Variants in ROCK2 observed in about 807,000 individuals in gnomAD.
ROCK2 encodes Rho associated coiled-coil containing protein kinase 2, also known as rho-associated protein kinase 2.
ROCK2 carries 61 observed loss-of-function variants against 195.1 expected under a neutral mutation model. That is an observed-to-expected ratio of 0.31 (90% confidence interval 0.25 to 0.39). The LOEUF (loss-of-function observed/expected upper bound fraction) is 0.39. ROCK2 is among the 10% of genes least tolerant of loss of function. The pLI is 1.00. For missense variants in ROCK2, 1,109 were observed against 1,637.4 expected (o/e 0.68, Z 5.57); for synonymous variants, 504 against 545.5 (o/e 0.92, Z 1.06).
chr2:11,208,240 A>AAC (rs4027164), intron 19 of ROCK2, 47 bp downstream of exon 19: 116 of 1,147,748 alleles, frequency 1.0e-4, no homozygotes, highest in South Asian at 2.3e-4. Context: ...GAATAAACCT[A>AAC]TTAATTCATT....
chr2:11,283,587 C>CAAGAAAGAAAGAAAGAAAGAAAGA (rs55637351), intron 3 of ROCK2, among the ~76,000 whole-genome samples: 2 of 126,484 alleles, frequency 1.6e-5, no homozygotes, highest in African/African-American at 2.8e-5. Flanking sequence ...AAAAAAAAAG[C>CAAGAAAGAAAGAAAGAAAGAAAGA]AAGAAAGAAA....
At position 11,192,763 on chromosome 2, in the gene ROCK2, A is replaced by G; in HGVS notation, c.3688-51T>C. On this transcript the variant is annotated intron_variant, in intron 30 of 32. Coordinates refer to ENST00000315872, the MANE Select transcript of ROCK2 (RefSeq NM_004850.5). The surrounding 1 kb of genome is among the most constrained non-coding windows in gnomAD (Gnocchi z 5.0). ...TGATTTCCAAACATGCTATTTTTTT[A>G]TGTAGGAACAATTCTGATAGTGTAA... The G allele has an allele frequency of 6.5e-7, 1 of 1,542,914 alleles. No individual in the cohort carries two copies. Among genetic ancestry groups the G allele is most frequent in the Non-Finnish European group, 8.7e-7 (1 of 1,143,734 alleles).
chr2:11,211,972 T>C, intron 17 of ROCK2, 132 bp from the exon 18 acceptor site: 1 of 603,686 alleles, frequency 1.7e-6, no homozygotes, highest in Non-Finnish European at 2.6e-6. Flanking sequence ...GTGGTTTGAT[T>C]ATGGCTCATT....
At chr2:11,258,451 T>A (rs966449500) in intron 3 of ROCK2, among the ~76,000 whole-genome samples, 3 of 151,500 alleles carry the variant, frequency 2.0e-5, no homozygotes, top group African/African-American at 7.4e-5. Context: ...AATTCTTTTT[T>A]AAAATGTTCC....
intron 1 of ROCK2, among the ~76,000 whole-genome samples, chr2:11,336,993 A>T (rs1162357769): frequency 1.3e-5 from 2 of 152,232 alleles, no homozygotes; most frequent in Non-Finnish European, 2.9e-5. Context: ...CTGTAATCCC[A>T]GCACTTTGGG....
At chr2:11,263,547 T>C (rs954294446) in intron 3 of ROCK2, among the ~76,000 whole-genome samples, 4 of 151,010 alleles carry the variant, frequency 2.6e-5, no homozygotes, top group African/African-American at 4.9e-5. Flanking sequence ...GAATCCCTGA[T>C]GTAAATGCCA....
chr2:11,187,180 C>T (rs1159766695), intron 32 of ROCK2, among the ~76,000 whole-genome samples: 1 of 152,164 alleles, frequency 6.6e-6, no homozygotes, highest in Non-Finnish European at 1.5e-5. Context: ...CAGTAGTCCC[C>T]CCATATCCTT....
At chr2:11,237,186 C>T (rs1056825868) in intron 4 of ROCK2, among the ~76,000 whole-genome samples, 2 of 152,050 alleles carry the variant, frequency 1.3e-5, no homozygotes, top group African/African-American at 2.4e-5. Context: ...AAAATCGATA[C>T]CCTCAAAAGG....
intron 11 of ROCK2, 55 bp from the exon 12 acceptor site, chr2:11,217,224 A>T: frequency 1.2e-6 from 1 of 855,900 alleles, no homozygotes; most frequent in East Asian, 2.4e-5. Context: ...TAAAGATGAG[A>T]GGCTTAAAGA....
At chr2:11,222,054 A>T in intron 8 of ROCK2, 29 bp downstream of exon 8, 1 of 1,311,088 alleles carries the variant, frequency 7.6e-7, no homozygotes. Flanking sequence ...AATGTGATGG[A>T]ATGAAAATAT....
intron 4 of ROCK2, among the ~76,000 whole-genome samples, chr2:11,248,911 GT>G (rs1364084419): frequency 1.3e-5 from 2 of 149,860 alleles, no homozygotes; most frequent in Non-Finnish European, 3.0e-5. Context: ...TTCTTTTTTT[GT>G]TTTAGACGGA....
rs1292233613 is a variant in ROCK2 at position 11,344,123 on chromosome 2, G to T, written c.14C>A (p.Pro5Gln). 1 of 1,475,334 alleles carries T rather than the reference G, an allele frequency of 6.8e-7. No individual in the cohort carries two copies. Among genetic ancestry groups the T allele is most frequent in the African/African-American group, 1.5e-5 (1 of 67,212 alleles). 91.4% of individuals were successfully genotyped at this position (1,475,334 alleles called of 1,614,324 possible). A position where few individuals can be genotyped will look rare whatever the true frequency, so the allele number is the denominator to read the frequency against. The change falls in exon 1 of 33, where the codon CCG becomes CAG. Residue 5 changes from proline (P) to glutamine (Q), a missense_variant. Coordinates refer to ENST00000315872, the MANE Select transcript of ROCK2 (RefSeq NM_004850.5). The surrounding 1 kb of genome is among the most constrained non-coding windows in gnomAD (Gnocchi z 5.4). MSRP[P>Q]PTGKMPGAPE... ...GGCGCCGGGCATTTTCCCCGTCGGC[G>T]GGGGCCGGCTCATGCCGCCACCGCT...
intron 3 of ROCK2, among the ~76,000 whole-genome samples, chr2:11,270,296 T>C (rs1001099116): frequency 8.5e-5 from 13 of 152,182 alleles, no homozygotes; most frequent in African/African-American, 2.7e-4. Flanking sequence ...CTTTTTCTTA[T>C]GCTTGGTTTT....
chr2:11,198,118 C>CA (rs1663707774), intron 25 of ROCK2, among the ~76,000 whole-genome samples: 2 of 152,234 alleles, frequency 1.3e-5, no homozygotes. Context: ...TCTAGTACCC[C>CA]ACCTGTTCAT....
intron 12 of ROCK2, among the ~76,000 whole-genome samples, chr2:11,216,884 C>T (rs1664450276): frequency 6.6e-6 from 1 of 152,028 alleles, no homozygotes; most frequent in Non-Finnish European, 1.5e-5. Context: ...CCACCATGCC[C>T]AGCTAATTTT....
rs560020171 is a variant in ROCK2 at position 11,292,572 on chromosome 2, G to T, written c.142-4836C>A. On this transcript the variant is annotated intron_variant, in intron 1 of 32. Transcript: ENST00000315872. ...AATTAGTAAAATTATTCCTCTAAAA[G>T]AATACTAAATAACAAACAAGTTTTA... Among the ~76,000 whole-genome samples the T allele has an allele frequency of 5.3e-5, 8 of 152,084 alleles. No homozygotes were observed. In the East Asian group the frequency reaches 1.4e-3, roughly 26 times the overall value.
At chr2:11,316,674 A>G (rs2148239563) in intron 1 of ROCK2, among the ~76,000 whole-genome samples, 1 of 152,322 alleles carries the variant, frequency 6.6e-6, no homozygotes, top group East Asian at 1.9e-4. Context: ...TTGCCATAAC[A>G]GATTACAAAA....
intron 1 of ROCK2, among the ~76,000 whole-genome samples, chr2:11,317,608 A>AT (rs1210144997): frequency 8.8e-4 from 14 of 15,940 alleles, no homozygotes; most frequent in African/African-American, 2.7e-3. Context: ...ATATATATAT[A>AT]TATATTTTTT....
chr2:11,310,688 C>T (rs1366753187), intron 1 of ROCK2, among the ~76,000 whole-genome samples: 2 of 151,876 alleles, frequency 1.3e-5, no homozygotes, highest in Non-Finnish European at 2.9e-5. Context: ...AAAATATAAG[C>T]TCAATTCATA....
Sources: allele counts gnomAD v4.1 joint callset (sites outside exome capture counted in the v4.1 genomes callset), GRCh38; gene constraint gnomAD v4.1.1; non-coding constraint Gnocchi (gnomAD v3.1); transcripts MANE v1.5; gene names NCBI Gene and HGNC (gene_info 2026-07-23, HGNC 2026-07-21).